The following SIX5 variants were observed in gnomAD, a reference collection of about 807,000 sequenced individuals.
SIX5 encodes SIX homeobox 5.
SIX5 carries 21 observed loss-of-function variants against 37.1 expected under a neutral mutation model. The ratio of observed to expected loss-of-function variants is 0.57; its 90% CI spans 0.40 to 0.81. The LOEUF (loss-of-function observed/expected upper bound fraction) is 0.81, where lower values mean the gene tolerates loss of function less well. SIX5 is among the 40% of genes least tolerant of loss of function. The pLI is 0.00. For synonymous variants in SIX5, 626 were observed against 505.9 expected, an observed-to-expected ratio of 1.24 and a Z score of -3.19; for missense variants, 1,137 against 1,025.1, an observed-to-expected ratio of 1.11 and a Z score of -1.49.
At position 45,766,825 on chromosome 19, in the gene SIX5, G is replaced by A. The variant is rs943396454; in HGVS notation, c.1134C>T (p.Ser378=). Residue 378 remains serine, a synonymous_variant, in exon 2 of 3, where the codon AGC becomes AGT. Coordinates refer to ENST00000317578, the MANE Select transcript of SIX5 (RefSeq NM_175875.5). ...CCAGGACCAGAGAGGTCTTGGTCTCGCTGGCCCCCTGAGGGCTGGGCTGCG... is the reference window on the plus strand; with the variant it reads ...CCAGGACCAGAGAGGTCTTGGTCTCACTGGCCCCCTGAGGGCTGGGCTGCG... ...PPPQPSPQGA[S]ETKTSLVLDP... is the part of the protein sequence containing the mutation. The A allele has an allele frequency of 2.6e-6, 4 of 1,552,296 alleles. No individual in the cohort carries two copies. The highest frequency in any genetic ancestry group is 1.2e-5 in the South Asian group (1 of 84,912).
At position 45,767,002 on chromosome 19, in the gene SIX5, G is replaced by A. The variant is rs1313331978; in HGVS notation, c.957C>T (p.Ser319=). Reference sequence around the variant, plus strand: ...GGAAGCTCCCGTTCACCAGGATGGAGGAGGAAGCCGGGCAAGGCGCGGGAG... The same window carrying A: ...GGAAGCTCCCGTTCACCAGGATGGAAGAGGAAGCCGGGCAAGGCGCGGGAG... ...TGPPAPCPAS[S]SILVNGSFLA... is the part of the protein sequence containing the mutation. The change falls in exon 2 of 3, where the codon TCC becomes TCT. Residue 319 remains serine, a synonymous_variant. Transcript: ENST00000317578. 12 of 1,606,518 alleles carry A rather than the reference G, an allele frequency of 7.5e-6. No individual in the cohort carries two copies. The highest frequency in any genetic ancestry group is 1.0e-5 in the Non-Finnish European group (12 of 1,178,096).
At position 45,768,484 on chromosome 19, in the gene SIX5, G is replaced by GT; in HGVS notation, c.360dup (p.Arg121ThrfsTer51). 1 of 1,523,246 alleles carries GT rather than the reference G, an allele frequency of 6.6e-7. No homozygotes were observed. The highest frequency in any genetic ancestry group is 8.8e-7 in the Non-Finnish European group (1 of 1,141,686). The allele number at this position is 1,523,246 out of a possible 1,614,324, so 94.4% of individuals were successfully genotyped here. On this transcript the variant is annotated frameshift_variant, in exon 1 of 3. Transcript: ENST00000317578. LOFTEE classifies it high-confidence loss of function. ...GCGCGCAACACCGGGTCGCTGCCAC[G>GT]TAGGCGCTCGGCCGGGGGCAGTGCG...
chr19:45,767,984 G>A, intron 1 of SIX5, 58 bp downstream of exon 1: 1 of 1,542,794 alleles, frequency 6.5e-7, no homozygotes, highest in Non-Finnish European at 8.8e-7. Flanking sequence ...GGGGGAAGAG[G>A]GCTGGTGGAC....
chr19:45,767,966 G>T, intron 1 of SIX5, 76 bp downstream of exon 1: 2 of 1,449,834 alleles, frequency 1.4e-6, no homozygotes, highest in Non-Finnish European at 1.9e-6. Context: ...GGCCCCAGCA[G>T]TGGGCACGGG....
chr19:45,765,693 C>G lies in SIX5; in HGVS notation c.2028G>C (p.Glu676Asp). The G allele has an allele frequency of 6.2e-7, 1 of 1,613,212 alleles. No individual in the cohort carries two copies. The highest frequency in any genetic ancestry group is 1.1e-5 in the South Asian group (1 of 91,090). Residue 676 changes from glutamate (E) to aspartate (D), a missense_variant, in exon 3 of 3, where the codon GAG becomes GAC. By Grantham distance (45) the Glu-to-Asp change is conservative. Around this residue, in one of 3 missense-constraint regions of SIX5, gnomAD observed 787 missense variants for 621.4 expected, o/e 1.27. Transcript: ENST00000317578. Reference protein sequence around the residue: ...SAGLELSAGTEGLLEAEKGLG... With the variant: ...SAGLELSAGTDGLLEAEKGLG... ...GCCCCTTTTCCGCTTCCAGCAGCCC[C>G]TCTGTTCCTGCGCTTAGTTCCAGCC...
chr19:45,767,496 C>T (rs1671645058), intron 1 of SIX5, among the ~76,000 whole-genome samples: 1 of 152,226 alleles, frequency 6.6e-6, no homozygotes, highest in African/African-American at 2.4e-5. Context: ...AGCCCAGTTC[C>T]CGGTGCCCTC....
At position 45,766,927 on chromosome 19, in the gene SIX5, G is replaced by A; in HGVS notation, c.1032C>T (p.Ile344=). Residue 344 remains isoleucine, a synonymous_variant, in exon 2 of 3, where the codon ATC becomes ATT. Coordinates refer to ENST00000317578, the MANE Select transcript of SIX5 (RefSeq NM_175875.5). The stretch of plus-strand genomic sequence containing the variant: ...CCTCGCCCAGGGCCAGGCCGTTGAT[G>A]ATGACGGGGCCCCCGTTGAGGAGCA... The part of the protein sequence containing the change: ...PAVLLNGGPV[I]INGLALGEAS... 2 of 1,565,806 alleles carry A rather than the reference G, an allele frequency of 1.3e-6. No individual in the cohort carries two copies. The highest frequency in any genetic ancestry group is 1.9e-5 in the Admixed American group (1 of 53,714).
chr19:45,766,209 G>A (rs1296341840), intron 2 of SIX5, 98 bp from the exon 3 acceptor site: 22 of 1,513,240 alleles, frequency 1.5e-5, no homozygotes, highest in Non-Finnish European at 2.0e-5. Flanking sequence ...GGCGGAGGGA[G>A]CCTTGTGGTG....
In SIX5 at chr19:45,768,335, A is replaced by T. The variant is rs754407920; in HGVS notation, c.510T>A (p.His170Gln). The T allele has an allele frequency of 6.2e-7, 1 of 1,603,704 alleles. No individual in the cohort carries two copies. Among genetic ancestry groups the T allele is most frequent in the Non-Finnish European group, 8.5e-7 (1 of 1,176,266 alleles). ...CGCGGCCGCGGGCCCGCTCGGCCTC[A>T]TGGTAGCGCGCGCGCAGGTAGAGGT... ...LQDLYLRARY[H>Q]EAERARGRAL... Residue 170 changes from histidine (H) to glutamine (Q), a missense_variant, in exon 1 of 3, where the codon CAT (histidine) becomes CAA (glutamine). Transcript: ENST00000317578.
chr19:45,765,740 C>T lies in SIX5; in HGVS notation c.1981G>A (p.Ala661Thr), dbSNP rs1438986968. 1.9e-6 allele frequency: 3 copies of T among 1,611,910 alleles called. No homozygotes were observed. The highest frequency in any genetic ancestry group is 2.2e-5 in the East Asian group (1 of 44,878). ...PPEGLMLSPA[A>T]VPVWSAGLEL... ...AGCCCTGCTGACCAGACAGGCACGG[C>T]CGCGGGTGACAACATCAGCCCCTCT... Residue 661 changes from alanine (A) to threonine (T), a missense_variant, in exon 3 of 3, where the codon GCC (alanine) becomes ACC (threonine). This residue lies in a region of SIX5 where 787 missense variants were observed against 621.4 expected (regional missense o/e 1.27). Transcript: ENST00000317578.
chr19:45,765,250 A>G lies in SIX5; in HGVS notation c.*251T>C, dbSNP rs1969044765. ...CCTGAGTCAGGACCCTGAGTCCCCC[A>G]CGTATATGGCAGGGCACAGCATGGG... On this transcript the variant is annotated 3_prime_UTR_variant, in exon 3 of 3. Coordinates refer to ENST00000317578, the MANE Select transcript of SIX5 (RefSeq NM_175875.5). The G allele has an allele frequency of 6.8e-6, 4 of 587,548 alleles. No individual in the cohort carries two copies. In the African/African-American group the frequency reaches 7.5e-5, roughly 11 times the overall value. 36.4% of individuals were successfully genotyped at this position (587,548 alleles called of 1,614,324 possible).
Position 45,765,369 on chromosome 19 carries a change from G to T in SIX5, c.*132C>A. On this transcript the variant is annotated 3_prime_UTR_variant, in exon 3 of 3. Transcript: ENST00000317578. ...ACAACCCCCAGCACCACCAGGGCTT[G>T]GAGAGGCCACCCAGGCAGAAGGATG... The T allele has an allele frequency of 7.4e-7, 1 of 1,345,948 alleles. No individual in the cohort carries two copies. The highest frequency in any genetic ancestry group is 1.1e-6 in the Non-Finnish European group (1 of 948,478). 83.4% of individuals were successfully genotyped at this position (1,345,948 alleles called of 1,614,324 possible). A position where few individuals can be genotyped will look rare whatever the true frequency, so the allele number is the denominator to read the frequency against.
In SIX5 at chr19:45,766,004, C is replaced by T. The variant is rs534099181; in HGVS notation, c.1717G>A (p.Val573Ile). 57 of 1,605,418 alleles carry T rather than the reference C, an allele frequency of 3.6e-5. No individual in the cohort carries two copies. Among genetic ancestry groups the T allele is most frequent in the Middle Eastern group, 1.7e-4 (1 of 6,056 alleles). The change falls in exon 3 of 3, where the codon GTC (valine) becomes ATC (isoleucine). Residue 573 changes from valine (V) to isoleucine (I), a missense_variant. Val to Ile is a conservative substitution (Grantham distance 29). Transcript: ENST00000317578. The stretch of plus-strand genomic sequence containing the variant: ...GGGGCTGGCGGCAGGACCTGGGAGA[C>T]GAGCATGCTGGTGGGGAAGGTGGCG... ...LTATFPTSML[V>I]SQVLPPAPGL...
chr19:45,765,603 C>CA lies in SIX5; in HGVS notation c.2117dup (p.Ala708GlyfsTer6). On this transcript the variant is annotated frameshift_variant, in exon 3 of 3. Coordinates refer to ENST00000317578, the MANE Select transcript of SIX5 (RefSeq NM_175875.5). LOFTEE classifies it high-confidence loss of function. Reference sequence around the variant, plus strand: ...CAACCTCACCCCCTGCGGTGGCCCCCAGGAGCAGCCCCTCAGGGTCGGGGT... The same window carrying CA: ...CAACCTCACCCCCTGCGGTGGCCCCCAAGGAGCAGCCCCTCAGGGTCGGGGT... The CA allele has an allele frequency of 6.2e-7, 1 of 1,613,346 alleles. No individual in the cohort carries two copies.
chr19:45,767,792 A>C, intron 1 of SIX5: 1 of 565,296 alleles, frequency 1.8e-6, no homozygotes. Context: ...CCCAACACCG[A>C]TGGGATTTGG....
In SIX5 at chr19:45,767,050, G is replaced by A. The variant is rs756262844; in HGVS notation, c.909C>T (p.Ser303=). The A allele has an allele frequency of 3.1e-6, 5 of 1,609,860 alleles. No individual in the cohort carries two copies. The highest frequency in any genetic ancestry group is 4.2e-6 in the Non-Finnish European group (5 of 1,178,620). Residue 303 remains serine (S), a synonymous_variant, in exon 2 of 3, where the codon TCC becomes TCT. Transcript: ENST00000317578. ...PVSAEAAAQG[S]IFLAGTGPPA... ...GAGGGCCGGTCCCTGCCAGGAATAT[G>A]GAGCCCTGGGCAGCGGCCTCGGCGG... is the stretch of plus-strand genomic sequence containing the variant.
At chr19:45,767,987 T>C in intron 1 of SIX5, 55 bp downstream of exon 1, 1 of 1,551,428 alleles carries the variant, frequency 6.4e-7, no homozygotes, top group South Asian at 1.1e-5. Flanking sequence ...GGAAGAGGGC[T>C]GGTGGACGGG....
In SIX5 at chr19:45,765,130, A is replaced by T; in HGVS notation, c.*371T>A. 8.2e-6 allele frequency: 3 copies of T among 367,100 alleles called. No individual in the cohort carries two copies. Among genetic ancestry groups the T allele is most frequent in the Non-Finnish European group, 5.2e-6 (1 of 191,474 alleles). 22.7% of individuals were successfully genotyped at this position (367,100 alleles called of 1,614,324 possible). A position where few individuals can be genotyped will look rare whatever the true frequency, so the allele number is the denominator to read the frequency against. ...TCGGCAGAGCTATTAATAGTGTTTC[A>T]GGGAGTGACAGGGAGAGGGCTCTGG... On this transcript the variant is annotated 3_prime_UTR_variant, in exon 3 of 3. Transcript: ENST00000317578.
chr19:45,768,607 G>A lies in SIX5; in HGVS notation c.238C>T (p.Pro80Ser), dbSNP rs934739524. Residue 80 changes from proline to serine, a missense_variant, in exon 1 of 3, where the codon CCG (proline) becomes TCG (serine). Transcript: ENST00000317578. ...PGSPPEAASE[P>S]PTGLRFSPEQ... ...GGCGAGAAGCGGAGGCCCGTGGGCGGTTCGGAAGCGGCCTCGGGGGGCGAC... is the reference window on the plus strand; with the variant it reads ...GGCGAGAAGCGGAGGCCCGTGGGCGATTCGGAAGCGGCCTCGGGGGGCGAC... 3.3e-4 allele frequency: 424 copies of A among 1,294,442 alleles called. 6 individuals carry two copies. The East Asian group carries it at 0.013, about 39-fold the overall frequency. The allele number at this position is 1,294,442 out of a possible 1,614,324, so 80.2% of individuals were successfully genotyped here.
Sources: gnomAD v4.1 joint callset for allele counts (sites outside exome capture counted in the v4.1 genomes callset) on GRCh38, gnomAD v4.1.1 for gene constraint, gnomAD v4.1.1 regional missense constraint, MANE v1.5 for transcripts, NCBI Gene and HGNC (gene_info 2026-07-23, HGNC 2026-07-21) for gene names.